SH3GL2: variants seen among roughly 807,000 people sequenced by gnomAD.
SH3GL2 encodes endophilin-A1.
In SH3GL2, 24 loss-of-function variants were observed where a neutral mutation model predicts 46.0. The ratio of observed to expected loss-of-function variants is 0.52; its 90% CI spans 0.38 to 0.73. SH3GL2 has a LOEUF of 0.73. SH3GL2 is among the 30% of genes least tolerant of loss of function. The pLI is 0.00. For missense variants in SH3GL2, 413 were observed against 424.2 expected, an observed-to-expected ratio of 0.97 and a Z score of 0.23; for synonymous variants, 196 against 147.1, an observed-to-expected ratio of 1.33 and a Z score of -2.40.
intron 1 of SH3GL2, among the ~76,000 whole-genome samples, chr9:17,639,677 C>T (rs926864350): frequency 1.3e-5 from 2 of 152,176 alleles, no homozygotes; most frequent in Admixed American, 6.5e-5. Flanking sequence ...GAAAGGAGAA[C>T]ATGTTCATAC....
intron 8 of SH3GL2, among the ~76,000 whole-genome samples, chr9:17,794,507 A>G (rs1262529437): frequency 2.0e-5 from 3 of 152,186 alleles, no homozygotes; most frequent in Non-Finnish European, 4.4e-5. Context: ...GAAATTGTGT[A>G]TAGCTATGCT....
intron 1 of SH3GL2, among the ~76,000 whole-genome samples, chr9:17,615,327 A>G (rs558083650): frequency 1.3e-5 from 2 of 152,268 alleles, no homozygotes; most frequent in East Asian, 3.9e-4. Context: ...TAAGATGTAT[A>G]TTCTTTTCAT....
chr9:17,615,726 G>T (rs1448837851), intron 1 of SH3GL2, among the ~76,000 whole-genome samples: 1 of 141,702 alleles, frequency 7.1e-6, no homozygotes, highest in African/African-American at 2.6e-5. Context: ...AACTTAGGAC[G>T]AAAGTTAAAA....
intron 5 of SH3GL2, 93 bp from the exon 6 acceptor site, chr9:17,789,299 T>G: frequency 2.0e-6 from 2 of 1,010,336 alleles, no homozygotes; most frequent in Middle Eastern, 2.2e-4. Flanking sequence ...CCTATCTTAA[T>G]TTGGAAGTTA....
intron 1 of SH3GL2, among the ~76,000 whole-genome samples, chr9:17,730,179 C>A (rs1822136314): frequency 6.6e-6 from 1 of 152,090 alleles, no homozygotes; most frequent in Non-Finnish European, 1.5e-5. Flanking sequence ...TCCTTCACAT[C>A]CCTTGTAAGT....
chr9:17,615,690 C>T (rs1254993077), intron 1 of SH3GL2, among the ~76,000 whole-genome samples: 1 of 149,726 alleles, frequency 6.7e-6, no homozygotes, highest in Non-Finnish European at 1.5e-5. Flanking sequence ...AAAAATTCCC[C>T]TCGTTAATAT....
chr9:17,718,273 C>T (rs1588270032), intron 1 of SH3GL2, among the ~76,000 whole-genome samples: 1 of 152,098 alleles, frequency 6.6e-6, no homozygotes, highest in Non-Finnish European at 1.5e-5. Context: ...GTTAGAACTT[C>T]TTATCGTGAT....
rs1181985443 is a variant in SH3GL2, at chr9:17,611,523, G to A, written c.45+32236G>A. Among the ~76,000 whole-genome samples, 5 of 152,208 alleles carry A rather than the reference G, an allele frequency of 3.3e-5. No homozygotes were observed. The South Asian group carries it at 1.0e-3, about 32-fold the overall frequency. ...TGACTTTCCATGTCATCGCATTGGT[G>A]TGTTTGAGATGTGTGTGACCTGTAT... On this transcript the variant is annotated intron_variant, in intron 1 of 8. Coordinates refer to ENST00000380607, the MANE Select transcript of SH3GL2 (RefSeq NM_003026.5).
At chr9:17,626,963 A>T (rs1819295288) in intron 1 of SH3GL2, among the ~76,000 whole-genome samples, 1 of 152,098 alleles carries the variant, frequency 6.6e-6, no homozygotes, top group Non-Finnish European at 1.5e-5. Flanking sequence ...AGCAGGTCTG[A>T]GCCAGGATAA....
chr9:17,691,487 A>T (rs1821077177), intron 1 of SH3GL2, among the ~76,000 whole-genome samples: 1 of 152,150 alleles, frequency 6.6e-6, no homozygotes, highest in Non-Finnish European at 1.5e-5. Flanking sequence ...CCTACAAACA[A>T]ATCCCTATCT....
At chr9:17,655,699 T>A (rs1356352142) in intron 1 of SH3GL2, among the ~76,000 whole-genome samples, 2 of 152,252 alleles carry the variant, frequency 1.3e-5, no homozygotes, top group African/African-American at 4.8e-5. Flanking sequence ...TACTTGCTGT[T>A]CTCATCTTCT....
chr9:17,763,469 A>G (rs955362497), intron 3 of SH3GL2, among the ~76,000 whole-genome samples: 1 of 152,186 alleles, frequency 6.6e-6, no homozygotes, highest in African/African-American at 2.4e-5. Flanking sequence ...GAAACACAGG[A>G]AAGAAGGCCA....
intron 1 of SH3GL2, among the ~76,000 whole-genome samples, chr9:17,645,509 C>T (rs373619216): frequency 1.2e-4 from 19 of 152,054 alleles, no homozygotes; most frequent in African/African-American, 4.6e-4. Context: ...GTGGCTGGTA[C>T]TGGTTTTTCC....
At position 17,796,745 on chromosome 9, in the gene SH3GL2, C is replaced by T. The variant is rs1225864181; in HGVS notation, c.*1002C>T. Reference sequence around the variant, plus strand: ...TGAACATCATTTGTGCAGATTCTGCCCTCAATGAGGACCAAATAAAGATGA... The same window carrying T: ...TGAACATCATTTGTGCAGATTCTGCTCTCAATGAGGACCAAATAAAGATGA... On this transcript the variant is annotated 3_prime_UTR_variant, in exon 9 of 9. Coordinates refer to ENST00000380607, the MANE Select transcript of SH3GL2 (RefSeq NM_003026.5). 6.6e-6 allele frequency: 1 copy of T among 152,584 alleles called. No individual in the cohort carries two copies. Among genetic ancestry groups the T allele is most frequent in the Non-Finnish European group, 1.5e-5 (1 of 68,042 alleles). The allele number at this position is 152,584 out of a possible 1,614,324, so 9.5% of individuals were successfully genotyped here.
intron 1 of SH3GL2, among the ~76,000 whole-genome samples, chr9:17,627,250 G>A (rs1464707453): frequency 2.0e-5 from 3 of 152,062 alleles, no homozygotes; most frequent in South Asian, 2.1e-4. Flanking sequence ...ATCCTGCAGC[G>A]CCATATATTG....
intron 1 of SH3GL2, among the ~76,000 whole-genome samples, chr9:17,616,821 A>T (rs1309392174): frequency 2.0e-5 from 3 of 152,192 alleles, no homozygotes; most frequent in African/African-American, 7.2e-5. Context: ...GACTAATAAA[A>T]ATTAGTTTAT....
intron 1 of SH3GL2, among the ~76,000 whole-genome samples, chr9:17,692,536 C>A (rs1320896807): frequency 6.6e-6 from 1 of 151,694 alleles, no homozygotes; most frequent in Non-Finnish European, 1.5e-5. Context: ...GTCCCAGCTA[C>A]TGGGAGGCTG....
intron 1 of SH3GL2, among the ~76,000 whole-genome samples, chr9:17,728,154 G>A (rs548763366): frequency 1.1e-4 from 17 of 152,100 alleles, no homozygotes; most frequent in Non-Finnish European, 2.2e-4. Context: ...ATTTCTATGC[G>A]AATCTAGTCT....
chr9:17,749,704 C>T (rs1822791029), intron 2 of SH3GL2, among the ~76,000 whole-genome samples: 1 of 152,184 alleles, frequency 6.6e-6, no homozygotes, highest in African/African-American at 2.4e-5. Context: ...GAATTTATCA[C>T]TGAGCAACTA....
Sources: gnomAD v4.1 joint callset for allele counts (sites outside exome capture counted in the v4.1 genomes callset) on GRCh38, gnomAD v4.1.1 for gene constraint, MANE v1.5 for transcripts, NCBI Gene and HGNC (gene_info 2026-07-23, HGNC 2026-07-21) for gene names.